The following PRKG2 variants were observed in gnomAD, a reference collection of about 807,000 sequenced individuals.
PRKG2 encodes the protein protein kinase cGMP-dependent 2, also known as cGMP-dependent protein kinase 2.
In PRKG2, 33 loss-of-function variants were observed where a neutral mutation model predicts 97.2. The observed-to-expected ratio is 0.34, with a 90% CI of 0.26 to 0.45. The LOEUF is 0.45. Among genes scored for constraint, PRKG2 ranks in the 20% least tolerant of loss-of-function variants. PRKG2 has a pLI of 1.00. For missense variants in PRKG2, 638 were observed against 900.0 expected, an observed-to-expected ratio of 0.71 and a Z score of 3.73; for synonymous variants, 330 against 321.8, an observed-to-expected ratio of 1.03 and a Z score of -0.27.
intron 14 of PRKG2, among the ~76,000 whole-genome samples, chr4:81,128,811 T>C (rs1745864432): frequency 6.6e-6 from 1 of 152,134 alleles, no homozygotes; most frequent in South Asian, 2.1e-4. Context: ...GGGTTTTTCA[T>C]GTCTCTATCT....
chr4:81,194,498 T>C (rs527317054), intron 2 of PRKG2, among the ~76,000 whole-genome samples: 9 of 152,302 alleles, frequency 5.9e-5, no homozygotes, highest in African/African-American at 1.7e-4. Context: ...AAAATAAGCA[T>C]GACTTTCTTC....
intron 14 of PRKG2, among the ~76,000 whole-genome samples, chr4:81,117,848 C>A (rs1744704265): frequency 6.6e-6 from 1 of 152,078 alleles, no homozygotes; most frequent in Admixed American, 6.5e-5. Flanking sequence ...TCATGAACAC[C>A]CAAAGTCCAC....
chr4:81,179,479 T>G (rs1302209278), intron 2 of PRKG2, among the ~76,000 whole-genome samples: 1 of 152,148 alleles, frequency 6.6e-6, no homozygotes, highest in East Asian at 1.9e-4. Flanking sequence ...TTTCAAAATG[T>G]TTTTCCATTG....
At position 81,110,534 on chromosome 4, in the gene PRKG2, A is replaced by G. The variant is rs1431314120; in HGVS notation, c.1854T>C (p.Ala618=). Residue 618 remains alanine, a synonymous_variant, in exon 15 of 19, where the codon GCT becomes GCC. Transcript: ENST00000264399. ...WTFCGTPEYV[A]PEVILNKGHD... ...GTCCCTTGTTGAGAATGACTTCAGG[A>G]GCTACATATTCTGGAGTCCCACAGA... The G allele has an allele frequency of 1.9e-6, 3 of 1,612,888 alleles. No individual in the cohort carries two copies. Among genetic ancestry groups the G allele is most frequent in the Non-Finnish European group, 2.5e-6 (3 of 1,179,882 alleles).
chr4:81,153,421 G>C (rs1021589928), intron 7 of PRKG2: 13 of 410,872 alleles, frequency 3.2e-5, no homozygotes, highest in Admixed American at 8.0e-5. Flanking sequence ...AAAAAATCAA[G>C]TGACCTACAT....
intron 4 of PRKG2, 32 bp downstream of exon 4, chr4:81,171,659 A>G: frequency 6.6e-7 from 1 of 1,521,546 alleles, no homozygotes; most frequent in Non-Finnish European, 9.0e-7. Flanking sequence ...TGCCACAACA[A>G]TTCAAAGATG....
intron 10 of PRKG2, among the ~76,000 whole-genome samples, 195 bp downstream of exon 10, chr4:81,144,037 A>G (rs1173350818): frequency 6.6e-6 from 1 of 152,200 alleles, no homozygotes; most frequent in Non-Finnish European, 1.5e-5. Flanking sequence ...GGAGCAGACT[A>G]TTTCTAATAG....
rs372194351 is a variant in PRKG2, at chr4:81,204,117, G to C, written c.461+470C>G. On this transcript the variant is annotated intron_variant, in intron 2 of 18. Coordinates refer to ENST00000264399, the MANE Select transcript of PRKG2 (RefSeq NM_006259.3). The stretch of plus-strand genomic sequence containing the variant: ...AGCATCTAACACAGTGGCTGGCAGA[G>C]AGTAGAGACCACCATAAACTGGAAT... Among the ~76,000 whole-genome samples, 4 of 152,272 alleles carry C rather than the reference G, an allele frequency of 2.6e-5. No homozygotes were observed. In the East Asian group the frequency reaches 5.8e-4, roughly 22 times the overall value.
At chr4:81,138,340 C>G (rs1353006273) in intron 12 of PRKG2, among the ~76,000 whole-genome samples, 2 of 152,066 alleles carry the variant, frequency 1.3e-5, no homozygotes, top group African/African-American at 2.4e-5. Context: ...AGCACCACAT[C>G]CAGACCAAAG....
intron 1 of PRKG2, among the ~76,000 whole-genome samples, chr4:81,210,736 C>T (rs1753926595): frequency 6.6e-6 from 1 of 152,176 alleles, no homozygotes; most frequent in South Asian, 2.1e-4. Context: ...TATGTTTTCA[C>T]TAAAATCTGC....
In PRKG2 at chr4:81,152,174, C is replaced by A; in HGVS notation, c.991-120G>T. 5.5e-6 allele frequency: 4 copies of A among 731,026 alleles called. No individual in the cohort carries two copies. In the South Asian group the frequency reaches 6.1e-5, roughly 11 times the overall value. 45.3% of individuals were successfully genotyped at this position (731,026 alleles called of 1,614,324 possible). A position where few individuals can be genotyped will look rare whatever the true frequency, so the allele number is the denominator to read the frequency against. ...AACTTGGACAAGGAAAAAGACAATA[C>A]TTTGTTTTAATTTTATGGTAATTAG... On this transcript the variant is annotated intron_variant, in intron 7 of 18. Transcript: ENST00000264399.
chr4:81,093,677 T>A (rs1255085144), intron 17 of PRKG2, among the ~76,000 whole-genome samples: 1 of 152,196 alleles, frequency 6.6e-6, no homozygotes, highest in Non-Finnish European at 1.5e-5. Context: ...TTTACAGTAA[T>A]CTGTGAAAAT....
At chr4:81,158,624 G>T (rs901023368) in intron 6 of PRKG2, among the ~76,000 whole-genome samples, 8 of 152,088 alleles carry the variant, frequency 5.3e-5, no homozygotes, top group Non-Finnish European at 7.4e-5. Flanking sequence ...AACCAAAAAA[G>T]AGCCCGCATC....
At chr4:81,215,241 G>GGGAGGGAAGAGA (rs1389467327), upstream of PRKG2, 1 of 152,310 alleles carries the variant, frequency 6.6e-6, no homozygotes, top group East Asian at 1.9e-4. Context: ...CACGCAGGGA[G>GGGAGGGAAGAGA]GGAGGGAAGA....
chr4:81,153,256 T>C (rs1217724559), intron 7 of PRKG2, among the ~76,000 whole-genome samples: 1 of 152,226 alleles, frequency 6.6e-6, no homozygotes, highest in Non-Finnish European at 1.5e-5. Context: ...GCTGAATTCA[T>C]TCTCCACCTG....
chr4:81,120,458 GT>G lies in PRKG2; in HGVS notation c.1777-9848del, dbSNP rs112980637. 3.0e-3 allele frequency among the ~76,000 whole-genome samples: 452 copies of G among 151,716 alleles called. 5 individuals are homozygous for G. The highest frequency in any genetic ancestry group is 9.1e-3 in the African/African-American group (375 of 41,354). On this transcript the variant is annotated intron_variant, in intron 14 of 18. Transcript: ENST00000264399. ...TGAACATGGAATACTCTCCATTTTA[GT>G]TTTTTTTCATTTCTTTCATCAAAAT... is the stretch of plus-strand genomic sequence containing the variant.
chr4:81,104,015 G>A (rs545543720), intron 17 of PRKG2, among the ~76,000 whole-genome samples: 1 of 151,800 alleles, frequency 6.6e-6, no homozygotes, highest in South Asian at 2.1e-4. Context: ...TGGGCAACAG[G>A]GTGAGACTCT....
At chr4:81,191,407 G>A (rs527351101) in intron 2 of PRKG2, among the ~76,000 whole-genome samples, 1 of 151,990 alleles carries the variant, frequency 6.6e-6, no homozygotes, top group East Asian at 1.9e-4. Context: ...CTCAGGGAGG[G>A]GAACATCATA....
intron 2 of PRKG2, among the ~76,000 whole-genome samples, chr4:81,200,735 C>A (rs1578518459): frequency 6.6e-6 from 1 of 152,144 alleles, no homozygotes; most frequent in East Asian, 1.9e-4. Flanking sequence ...TGTAAGGTTC[C>A]TATGGCTCCA....
Sources: gnomAD v4.1 joint callset for allele counts (sites outside exome capture counted in the v4.1 genomes callset) on GRCh38, gnomAD v4.1.1 for gene constraint, MANE v1.5 for transcripts, NCBI Gene and HGNC (gene_info 2026-07-23, HGNC 2026-07-21) for gene names.